The following NPEPPS variants were observed in gnomAD, a reference collection of about 807,000 sequenced individuals.
NPEPPS encodes aminopeptidase puromycin sensitive.
A neutral mutation model predicts 115.5 loss-of-function variants in NPEPPS; 14 were observed. The observed-to-expected ratio is 0.12, with a 90% CI of 0.08 to 0.19. The LOEUF (loss-of-function observed/expected upper bound fraction) is 0.19. Among genes scored for constraint, NPEPPS ranks in the 10% least tolerant of loss-of-function variants. NPEPPS has a pLI of 1.00. For missense variants in NPEPPS, 523 were observed against 1,110.8 expected (o/e 0.47, Z 7.52); for synonymous variants, 285 against 390.6 (o/e 0.73, Z 3.19).
chr17:47,585,480 C>G lies in NPEPPS; in HGVS notation c.649-20C>G. ...TTAATGTAAACCTATTTAAATTTTT[C>G]TTTTTTTTATTTCTTAAAGAATGTA... On this transcript the variant is annotated intron_variant, in intron 5 of 22. Coordinates refer to ENST00000322157, the MANE Select transcript of NPEPPS (RefSeq NM_006310.4). 6.3e-7 allele frequency: 1 copy of G among 1,585,742 alleles called. No homozygotes were observed. The highest frequency in any genetic ancestry group is 1.3e-5 in the African/African-American group (1 of 74,192).
intron 5 of NPEPPS, among the ~76,000 whole-genome samples, chr17:47,584,521 A>G (rs1285984347): frequency 6.6e-6 from 1 of 152,182 alleles, no homozygotes; most frequent in Non-Finnish European, 1.5e-5. Context: ...CATAAATAGA[A>G]TGTCATTCTC....
At chr17:47,608,347 C>A (rs1373616048) in intron 17 of NPEPPS, among the ~76,000 whole-genome samples, 1 of 151,184 alleles carries the variant, frequency 6.6e-6, no homozygotes, top group East Asian at 1.9e-4. Context: ...CCCAGCTACT[C>A]AGGAGGCTGA....
intron 2 of NPEPPS, among the ~76,000 whole-genome samples, chr17:47,569,046 T>G (rs1224433820): frequency 6.6e-6 from 1 of 152,220 alleles, no homozygotes; most frequent in Non-Finnish European, 1.5e-5. Flanking sequence ...CCTTGATGTA[T>G]CTTTAACACT....
chr17:47,553,481 A>C lies in NPEPPS; in HGVS notation c.340+7488A>C, dbSNP rs549351535. ...TAAATATACATTGAATGAAACGAAG[A>C]AAATCTAGATAAATGGAGTAAGTCT... On this transcript the variant is annotated intron_variant, in intron 2 of 22. Coordinates refer to ENST00000322157, the MANE Select transcript of NPEPPS (RefSeq NM_006310.4). Among the ~76,000 whole-genome samples the C allele has an allele frequency of 2.0e-5, 3 of 152,278 alleles. No individual in the cohort carries two copies. In the South Asian group the frequency reaches 6.2e-4, roughly 32 times the overall value.
intron 1 of NPEPPS, among the ~76,000 whole-genome samples, chr17:47,542,441 G>T (rs1479150804): frequency 6.6e-6 from 1 of 151,944 alleles, no homozygotes; most frequent in Non-Finnish European, 1.5e-5. Context: ...AGCTACTAGG[G>T]AGGCTGAGGC....
chr17:47,529,917 A>ACCG (rs1907609162), upstream of NPEPPS, among the ~76,000 whole-genome samples: 1 of 112,768 alleles, frequency 8.9e-6, no homozygotes, highest in Non-Finnish European at 1.9e-5. Context: ...GAAACATCCC[A>ACCG]TTTTATTTAT....
chr17:47,606,744 A>AGCTCCTATGTCTTTTCTTCATTGATTC (rs150125921), intron 17 of NPEPPS, among the ~76,000 whole-genome samples: 2 of 152,038 alleles, frequency 1.3e-5, no homozygotes, highest in African/African-American at 4.8e-5. Flanking sequence ...AGCTGGTCCC[A>AGCTCCTATGTCTTTTCTTCATTGATTC]AACAAATATT....
intron 2 of NPEPPS, among the ~76,000 whole-genome samples, chr17:47,550,134 C>T (rs747205072): frequency 4.0e-5 from 6 of 151,742 alleles, no homozygotes; most frequent in Non-Finnish European, 8.8e-5. Context: ...GAGGTTTTAC[C>T]GTATTAGCCA....
chr17:47,617,760 C>T (rs780089179), intron 19 of NPEPPS, among the ~76,000 whole-genome samples: 3 of 152,156 alleles, frequency 2.0e-5, no homozygotes, highest in Non-Finnish European at 2.9e-5. Context: ...GATTTTACCT[C>T]TTAGATCTTG....
intron 1 of NPEPPS, among the ~76,000 whole-genome samples, chr17:47,540,997 T>G (rs374511653): frequency 7.2e-4 from 110 of 152,332 alleles, no homozygotes; most frequent in South Asian, 5.6e-3. Context: ...AAGAAACAGC[T>G]TAATTCATTA....
At chr17:47,613,595 C>A (rs569991555) in intron 18 of NPEPPS, 74 bp from the exon 19 acceptor site, 95 of 1,233,852 alleles carry the variant, frequency 7.7e-5, no homozygotes, top group Admixed American at 5.0e-4. Flanking sequence ...TACTTGCTTT[C>A]TGTCTTTTCT....
intron 5 of NPEPPS, among the ~76,000 whole-genome samples, chr17:47,583,664 C>T (rs1035072814): frequency 1.3e-5 from 2 of 151,838 alleles, no homozygotes; most frequent in Admixed American, 6.6e-5. Flanking sequence ...CTTGTAATCT[C>T]AGTGCTTTGG....
rs544346173 is a variant in NPEPPS at position 47,613,797 on chromosome 17, G to GT, written c.2295+74dup. The GT allele has an allele frequency of 5.8e-4, 648 of 1,111,556 alleles. 3 individuals carry two copies. In the African/African-American group the frequency reaches 9.5e-3, roughly 16 times the overall value. 68.9% of individuals were successfully genotyped at this position (1,111,556 alleles called of 1,614,324 possible). ...TAGACACACAGTAAACCTCTAAATGGTTAAAAAAAAAGACAGTCCTAGAAA... is the reference window on the plus strand; with the variant it reads ...TAGACACACAGTAAACCTCTAAATGGTTTAAAAAAAAAGACAGTCCTAGAAA... On this transcript the variant is annotated intron_variant, in intron 19 of 22. Coordinates refer to ENST00000322157, the MANE Select transcript of NPEPPS (RefSeq NM_006310.4).
At chr17:47,606,923 G>A (rs1913552103) in intron 17 of NPEPPS, among the ~76,000 whole-genome samples, 2 of 152,028 alleles carry the variant, frequency 1.3e-5, no homozygotes, top group Non-Finnish European at 2.9e-5. Context: ...TGCCAGGGGT[G>A]GTGGCTCACG....
rs541565172 is a variant in NPEPPS at position 47,539,578 on chromosome 17, G to C, written c.256-6331G>C. 5.1e-4 allele frequency among the ~76,000 whole-genome samples: 77 copies of C among 151,922 alleles called. 1 individual carries two copies. Among genetic ancestry groups the C allele is most frequent in the South Asian group, 2.5e-3 (12 of 4,814 alleles). On this transcript the variant is annotated intron_variant, in intron 1 of 22. Transcript: ENST00000322157. ...TATCACTAAAGCCCATTTCCATCTC[G>C]TCCCACCCTGCCTCTAGAAGTAACT...
chr17:47,562,763 T>A (rs1910518666), intron 2 of NPEPPS, among the ~76,000 whole-genome samples: 1 of 146,116 alleles, frequency 6.8e-6, no homozygotes, highest in South Asian at 2.2e-4. Flanking sequence ...TTAGTTAATT[T>A]AAAAAAAAGT....
intron 19 of NPEPPS, among the ~76,000 whole-genome samples, chr17:47,614,791 C>T (rs1914086773): frequency 6.6e-6 from 1 of 152,158 alleles, no homozygotes; most frequent in Non-Finnish European, 1.5e-5. Context: ...TGCCTAAAAA[C>T]CCATTTGTTA....
chr17:47,608,729 G>A (rs1913665684), intron 17 of NPEPPS, among the ~76,000 whole-genome samples: 1 of 152,188 alleles, frequency 6.6e-6, no homozygotes. Context: ...GAGATGGACT[G>A]GCCAGTGAGG....
chr17:47,611,767 C>T (rs977908588), intron 17 of NPEPPS, among the ~76,000 whole-genome samples: 6 of 152,192 alleles, frequency 3.9e-5, no homozygotes, highest in Non-Finnish European at 8.8e-5. Context: ...GCTACTGTGC[C>T]TGGCCATAAC....
Sources: gnomAD v4.1 joint callset for allele counts (sites outside exome capture counted in the v4.1 genomes callset) on GRCh38, gnomAD v4.1.1 for gene constraint, MANE v1.5 for transcripts, NCBI Gene and HGNC (gene_info 2026-07-23, HGNC 2026-07-21) for gene names.